RAB32: variants seen among roughly 807,000 people sequenced by gnomAD.
RAB32 encodes the protein ras-related protein Rab-32.
In RAB32, 17 loss-of-function variants were observed where a neutral mutation model predicts 17.5. The observed-to-expected ratio is 0.97, with a 90% confidence interval of 0.67 to 1.46. The LOEUF is 1.46. RAB32 is among the 40% of genes most tolerant of loss of function. The probability of loss-of-function intolerance (pLI) is 0.00; values close to 1 mark genes in which losing one functional copy is unlikely to be tolerated. For missense variants in RAB32, 288 were observed against 284.3 expected, an observed-to-expected ratio of 1.01 and a Z score of -0.09; for synonymous variants, 115 against 111.1, an observed-to-expected ratio of 1.04 and a Z score of -0.22.
At chr6:146,545,303 T>C (rs2114781253) in intron 1 of RAB32, among the ~76,000 whole-genome samples, 1 of 151,562 alleles carries the variant, frequency 6.6e-6, no homozygotes. Flanking sequence ...AAAATTACTC[T>C]GTTCAATCAT....
Position 146,554,584 on chromosome 6 carries a change from G to A in RAB32, c.657G>A (p.Glu219=). 1.2e-6 allele frequency: 2 copies of A among 1,612,758 alleles called. No individual in the cohort carries two copies. Among genetic ancestry groups the A allele is most frequent in the Non-Finnish European group, 1.7e-6 (2 of 1,179,494 alleles). The change falls in exon 3 of 3, where the codon GAG becomes GAA. Residue 219 remains glutamate, a synonymous_variant. Coordinates refer to ENST00000367495, the MANE Select transcript of RAB32 (RefSeq NM_006834.5). ...TAGATCAAGAGACCTTGAGAGCAGA[G>A]AACAAATCCCAGTGTTGCTGATATA... is the stretch of plus-strand genomic sequence containing the variant. ...IKLDQETLRA[E]NKSQCC
At chr6:146,544,230 TAGG>T (rs1038946730) in intron 1 of RAB32, 109 bp downstream of exon 1, 4 of 1,384,316 alleles carry the variant, frequency 2.9e-6, no homozygotes, top group African/African-American at 1.5e-5. Flanking sequence ...TGGGTACCTT[TAGG>T]AGAAGAGAGA....
intron 2 of RAB32, among the ~76,000 whole-genome samples, chr6:146,552,813 G>A (rs1779913277): frequency 6.6e-6 from 1 of 152,090 alleles, no homozygotes; most frequent in Non-Finnish European, 1.5e-5. Context: ...AGGACGGGTG[G>A]AACAAGTCAA....
At position 146,554,819 on chromosome 6, in the gene RAB32, T is replaced by C. The variant is rs965151725; in HGVS notation, c.*214T>C. The stretch of plus-strand genomic sequence containing the variant: ...ACAGATGACAATTAGGCTTTTGTCA[T>C]TGTTGCCATCATATGGAAGATAATG... On this transcript the variant is annotated 3_prime_UTR_variant, in exon 3 of 3. Coordinates refer to ENST00000367495, the MANE Select transcript of RAB32 (RefSeq NM_006834.5). The C allele has an allele frequency of 1.1e-5, 5 of 440,616 alleles. No individual in the cohort carries two copies. Among genetic ancestry groups the C allele is most frequent in the African/African-American group, 8.0e-5 (4 of 50,084 alleles). The allele number at this position is 440,616 out of a possible 1,614,324, so 27.3% of individuals were successfully genotyped here. A position where few individuals can be genotyped will look rare whatever the true frequency, so the allele number is the denominator to read the frequency against.
chr6:146,549,963 T>G (rs1779875740), intron 2 of RAB32, among the ~76,000 whole-genome samples: 1 of 152,152 alleles, frequency 6.6e-6, no homozygotes, highest in East Asian at 1.9e-4. Context: ...ACAAAAAGAA[T>G]TATTTAGGGC....
chr6:146,551,270 C>T (rs1779895084), intron 2 of RAB32, among the ~76,000 whole-genome samples: 1 of 152,158 alleles, frequency 6.6e-6, no homozygotes, highest in Non-Finnish European at 1.5e-5. Flanking sequence ...CCCAGGAGTG[C>T]TATGTGAGCA....
chr6:146,546,526 CTGTT>C (rs1306859447), intron 1 of RAB32, among the ~76,000 whole-genome samples: 17 of 152,052 alleles, frequency 1.1e-4, no homozygotes, highest in Admixed American at 7.9e-4. Flanking sequence ...ACATTACTAA[CTGTT>C]TGATTTGAAT....
At chr6:146,551,714 C>G (rs1779901324) in intron 2 of RAB32, among the ~76,000 whole-genome samples, 1 of 152,018 alleles carries the variant, frequency 6.6e-6, no homozygotes, top group South Asian at 2.1e-4. Context: ...GATAGTAAAT[C>G]CAGATTTGCC....
intron 1 of RAB32, among the ~76,000 whole-genome samples, chr6:146,545,192 C>G (rs897230686): frequency 1.3e-5 from 2 of 151,864 alleles, no homozygotes; most frequent in Non-Finnish European, 1.5e-5. Context: ...TCACTTGACC[C>G]TAGGAGAGGT....
chr6:146,551,639 A>G (rs1283879151), intron 2 of RAB32, among the ~76,000 whole-genome samples: 3 of 151,478 alleles, frequency 2.0e-5, no homozygotes, highest in Non-Finnish European at 4.4e-5. Context: ...GCGAGTGTGC[A>G]TTTTGGTGGA....
intron 2 of RAB32, among the ~76,000 whole-genome samples, chr6:146,553,919 A>G (rs1041055639): frequency 3.3e-5 from 5 of 152,240 alleles, no homozygotes; most frequent in African/African-American, 1.2e-4. Flanking sequence ...GACGGCTAAT[A>G]ATTCCTTAGG....
intron 2 of RAB32, among the ~76,000 whole-genome samples, chr6:146,553,746 T>C (rs1039991621): frequency 1.3e-5 from 2 of 152,210 alleles, no homozygotes; most frequent in Admixed American, 1.3e-4. Context: ...TTGAGAAATA[T>C]GTGTGAATGG....
chr6:146,544,014 A>AGC lies in RAB32; in HGVS notation c.144_145dup (p.Leu49ArgfsTer44), dbSNP rs757149097. The AGC allele has an allele frequency of 5.0e-6, 8 of 1,613,790 alleles. No homozygotes were observed. In the East Asian group the frequency reaches 1.6e-4, roughly 32 times the overall value. On this transcript the variant is annotated frameshift_variant, in exon 1 of 3. Transcript: ENST00000367495. LOFTEE classifies it high-confidence loss of function. ...AGCATCATCAAGCGCTACGTCCACC[A>AGC]GCTCTTCTCCCAGCACTACCGGGCC...
intron 2 of RAB32, among the ~76,000 whole-genome samples, chr6:146,551,468 G>A (rs1779898107): frequency 6.6e-6 from 1 of 151,936 alleles, no homozygotes; most frequent in Non-Finnish European, 1.5e-5. Context: ...GGAGTGATCT[G>A]CCTGCCTCAG....
chr6:146,545,748 G>A (rs906439767), intron 1 of RAB32, among the ~76,000 whole-genome samples: 13 of 152,126 alleles, frequency 8.5e-5, no homozygotes, highest in South Asian at 2.1e-4. Flanking sequence ...ACTTCCTGCC[G>A]TTGCACAGAA....
chr6:146,552,599 C>T (rs1012079730), intron 2 of RAB32, among the ~76,000 whole-genome samples: 10 of 152,042 alleles, frequency 6.6e-5, no homozygotes, highest in African/African-American at 2.4e-4. Context: ...TATGTATGTA[C>T]ACACACATAT....
rs193085576 is a variant in RAB32 at position 146,549,465 on chromosome 6, G to T, written c.252G>T (p.Gly84=). 4.3e-6 allele frequency: 7 copies of T among 1,613,004 alleles called. No homozygotes were observed. The highest frequency in any genetic ancestry group is 3.3e-5 in the Admixed American group (2 of 59,942). ...LVRLQLWDIA[G]QERFGNMTRV... Reference sequence around the variant, plus strand: ...ATTTTTTCTTATATTTATGTCTAGGGCAGGAGCGATTTGGCAACATGACCC... The same window carrying T: ...ATTTTTTCTTATATTTATGTCTAGGTCAGGAGCGATTTGGCAACATGACCC... Residue 84 remains glycine (G), a splice_region_variant and synonymous_variant, in exon 2 of 3, where the codon GGG becomes GGT. Transcript: ENST00000367495.
intron 2 of RAB32, among the ~76,000 whole-genome samples, chr6:146,551,592 G>GAAAAAA (rs35080011): frequency 6.9e-6 from 1 of 144,742 alleles, no homozygotes. Flanking sequence ...GTAAAAAGAC[G>GAAAAAA]AAAAAAAAAA....
chr6:146,554,216 A>C (rs1300836729), intron 2 of RAB32, among the ~76,000 whole-genome samples: 2 of 152,142 alleles, frequency 1.3e-5, no homozygotes, highest in Non-Finnish European at 2.9e-5. Flanking sequence ...CTCAGTGGCA[A>C]AGGTTTAAGA....
Sources: gnomAD v4.1 joint callset for allele counts (sites outside exome capture counted in the v4.1 genomes callset) on GRCh38, gnomAD v4.1.1 for gene constraint, MANE v1.5 for transcripts, NCBI Gene and HGNC (gene_info 2026-07-23, HGNC 2026-07-21) for gene names.